Variants in WWTR1 observed in about 807,000 individuals in gnomAD.
WWTR1 encodes the protein WW domain-containing transcription regulator protein 1.
Under a neutral mutation model 40.1 loss-of-function variants are expected in WWTR1, and 13 were observed. The ratio of observed to expected loss-of-function variants is 0.32; its 90% CI spans 0.21 to 0.52. The LOEUF (loss-of-function observed/expected upper bound fraction) is 0.52, where lower values mean the gene tolerates loss of function less well. WWTR1 is among the 20% of genes least tolerant of loss of function. WWTR1 has a pLI of 0.97. For missense variants in WWTR1, 436 were observed against 523.1 expected (o/e 0.83, Z 1.63); for synonymous variants, 230 against 210.1 (o/e 1.09, Z -0.82).
chr3:149,607,103 T>C (rs1310812774), intron 2 of WWTR1, among the ~76,000 whole-genome samples: 2 of 152,242 alleles, frequency 1.3e-5, no homozygotes, highest in African/African-American at 2.4e-5. Context: ...ACTCATGATA[T>C]CAAGGCAAAG....
intron 2 of WWTR1, among the ~76,000 whole-genome samples, chr3:149,621,594 T>C (rs950530405): frequency 1.3e-5 from 2 of 152,056 alleles, no homozygotes; most frequent in South Asian, 2.1e-4. Context: ...TTGCTAAAGA[T>C]GATAGAAAGA....
intron 2 of WWTR1, among the ~76,000 whole-genome samples, chr3:149,605,352 C>G (rs1432098194): frequency 2.7e-5 from 4 of 148,186 alleles, no homozygotes; most frequent in Admixed American, 2.6e-4. Context: ...AAAGGATGAC[C>G]TTTCTAGTGT....
At chr3:149,571,095 C>A (rs1161780497) in intron 3 of WWTR1, among the ~76,000 whole-genome samples, 1 of 151,842 alleles carries the variant, frequency 6.6e-6, no homozygotes, top group Non-Finnish European at 1.5e-5. Context: ...GATATGCTAA[C>A]CTTAGTATGA....
intron 2 of WWTR1, among the ~76,000 whole-genome samples, chr3:149,612,991 G>A (rs1222016481): frequency 6.6e-6 from 1 of 152,138 alleles, no homozygotes; most frequent in Non-Finnish European, 1.5e-5. Flanking sequence ...TTTAGAACAC[G>A]GTTCCAATGC....
chr3:149,638,247 T>C (rs886602827), intron 2 of WWTR1, among the ~76,000 whole-genome samples: 23 of 152,036 alleles, frequency 1.5e-4, no homozygotes, highest in African/African-American at 5.6e-4. Context: ...AAAAGAGGCA[T>C]GCAGTGGCCG....
At chr3:149,552,056 C>A (rs777144019) in intron 3 of WWTR1, among the ~76,000 whole-genome samples, 4 of 145,642 alleles carry the variant, frequency 2.7e-5, no homozygotes, top group Non-Finnish European at 6.0e-5. Flanking sequence ...TGGTTAAATG[C>A]AAAAGTCAGG....
chr3:149,645,086 T>A (rs1971538), intron 2 of WWTR1, among the ~76,000 whole-genome samples: 11,054 of 148,758 alleles, frequency 0.074, 948 homozygotes, highest in African/African-American at 0.21. Flanking sequence ...TTTTATTTAT[T>A]TTTTTTTTTT....
intron 1 of WWTR1, among the ~76,000 whole-genome samples, chr3:149,680,874 A>G (rs913920340): frequency 1.3e-5 from 2 of 152,192 alleles, no homozygotes; most frequent in African/African-American, 4.8e-5. Flanking sequence ...TTTTCTTTTT[A>G]ACATATGTAT....
At chr3:149,651,461 C>T (rs1036899758) in intron 2 of WWTR1, among the ~76,000 whole-genome samples, 2 of 152,140 alleles carry the variant, frequency 1.3e-5, no homozygotes, top group Non-Finnish European at 2.9e-5. Context: ...GGAATCTCGG[C>T]ATACAGCTTA....
At chr3:149,640,010 A>AAAAAAAAAAG (rs1553802828) in intron 2 of WWTR1, among the ~76,000 whole-genome samples, 1 of 140,346 alleles carries the variant, frequency 7.1e-6, no homozygotes, top group African/African-American at 3.1e-5. Flanking sequence ...AAAAAAAAAA[A>AAAAAAAAAAG]AAAGAAAGAA....
chr3:149,628,014 G>A (rs1740654344), intron 2 of WWTR1, among the ~76,000 whole-genome samples: 1 of 151,118 alleles, frequency 6.6e-6, no homozygotes, highest in Admixed American at 6.6e-5. Flanking sequence ...TGGGGGTTGC[G>A]GTGAGCCGAG....
intron 3 of WWTR1, among the ~76,000 whole-genome samples, chr3:149,555,572 G>A (rs910708926): frequency 1.3e-5 from 2 of 151,846 alleles, no homozygotes; most frequent in Non-Finnish European, 2.9e-5. Flanking sequence ...TTGGAAACCT[G>A]TATAAATATG....
intron 3 of WWTR1, among the ~76,000 whole-genome samples, chr3:149,558,896 G>T (rs919019054): frequency 1.3e-5 from 2 of 152,224 alleles, no homozygotes; most frequent in East Asian, 3.9e-4. Context: ...AGCCACAAAG[G>T]ACATCACCGG....
chr3:149,560,722 T>G (rs1428817038), intron 3 of WWTR1, among the ~76,000 whole-genome samples: 1 of 152,064 alleles, frequency 6.6e-6, no homozygotes, highest in East Asian at 1.9e-4. Flanking sequence ...AACTCACTCT[T>G]CACTGGTATC....
rs2107887112 is a variant in WWTR1, at chr3:149,517,456, G to A, written c.*3349C>T. 1 of 152,270 alleles carries A rather than the reference G, an allele frequency of 6.6e-6. No individual in the cohort carries two copies. The highest frequency in any genetic ancestry group is 1.9e-4 in the East Asian group (1 of 5,184). The allele number at this position is 152,270 out of a possible 1,614,324, so 9.4% of individuals were successfully genotyped here. A position where few individuals can be genotyped will look rare whatever the true frequency, so the allele number is the denominator to read the frequency against. ...TATATGTGTTAGGAAAATGGTCTCT[G>A]TCAATTGCCCATTTTCCCAATTAAA... On this transcript the variant is annotated 3_prime_UTR_variant, in exon 7 of 7. Coordinates refer to ENST00000360632, the MANE Select transcript of WWTR1 (RefSeq NM_015472.6).
chr3:149,657,603 A>C, intron 1 of WWTR1, 162 bp downstream of exon 1: 1 of 352,010 alleles, frequency 2.8e-6, no homozygotes, highest in Non-Finnish European at 5.2e-6. Context: ...GGCTTGCTGA[A>C]CCGCAGGATG....
At chr3:149,611,066 A>G (rs1337330771) in intron 2 of WWTR1, among the ~76,000 whole-genome samples, 2 of 152,168 alleles carry the variant, frequency 1.3e-5, no homozygotes, top group Non-Finnish European at 2.9e-5. Flanking sequence ...AGGTGGGAAG[A>G]TAGATTGACC....
intron 1 of WWTR1, among the ~76,000 whole-genome samples, chr3:149,676,919 ACT>A (rs1322556067): frequency 4.8e-5 from 7 of 144,744 alleles, no homozygotes; most frequent in African/African-American, 1.8e-4. Context: ...TAACCTTGAG[ACT>A]CTTTTTTTTT....
chr3:149,657,199 C>G lies in WWTR1; in HGVS notation c.108G>C (p.Met36Ile). ...TCCGCCACGAGCTAGGCTTCGGATT[C>G]ATGACAGAGTTGAAGAGGGCTTCGA... Reference protein sequence around the residue: ...TDLEALFNSVMNPKPSSWRKK... With the variant: ...TDLEALFNSVINPKPSSWRKK... Residue 36 changes from methionine to isoleucine, a missense_variant, in exon 2 of 7, where the codon ATG becomes ATC. By Grantham distance (10) the Met-to-Ile change is conservative (BLOSUM62 1). Coordinates refer to ENST00000360632, the MANE Select transcript of WWTR1 (RefSeq NM_015472.6). 6.2e-7 allele frequency: 1 copy of G among 1,611,864 alleles called. No individual in the cohort carries two copies. The highest frequency in any genetic ancestry group is 8.5e-7 in the Non-Finnish European group (1 of 1,179,246).
Sources: gnomAD v4.1 joint callset for allele counts (sites outside exome capture counted in the v4.1 genomes callset) on GRCh38, gnomAD v4.1.1 for gene constraint, MANE v1.5 for transcripts, NCBI Gene and HGNC (gene_info 2026-07-23, HGNC 2026-07-21) for gene names.